Variants in CCDC149 observed in about 807,000 individuals in gnomAD.
The protein encoded by CCDC149 is coiled-coil domain containing 149.
A neutral mutation model predicts 59.9 loss-of-function variants in CCDC149; 45 were observed. The ratio of observed to expected loss-of-function variants is 0.75; its 90% CI spans 0.59 to 0.96. CCDC149 has a LOEUF of 0.96. CCDC149 is among the 40% of genes least tolerant of loss of function. CCDC149 has a pLI of 0.00. For synonymous variants in CCDC149, 245 were observed against 260.6 expected, an observed-to-expected ratio of 0.94 and a Z score of 0.58; for missense variants, 584 against 664.7, an observed-to-expected ratio of 0.88 and a Z score of 1.33.
chr4:24,877,855 G>C (rs1269860097), intron 1 of CCDC149, among the ~76,000 whole-genome samples: 2 of 152,232 alleles, frequency 1.3e-5, no homozygotes, highest in East Asian at 3.9e-4. Context: ...GCCAGCATGG[G>C]CCCGAACAGG....
At chr4:24,875,940 T>C (rs1456712541) in intron 2 of CCDC149, among the ~76,000 whole-genome samples, 2 of 152,108 alleles carry the variant, frequency 1.3e-5, no homozygotes, top group Admixed American at 6.5e-5. Flanking sequence ...GGTCCAAACA[T>C]GTTAAATAGA....
intron 3 of CCDC149, among the ~76,000 whole-genome samples, chr4:24,864,815 T>G (rs762028507): frequency 5.9e-5 from 9 of 152,200 alleles, no homozygotes; most frequent in Non-Finnish European, 1.2e-4. Flanking sequence ...TGTGTGCATT[T>G]TTTTCAACCA....
intron 1 of CCDC149, among the ~76,000 whole-genome samples, chr4:24,911,996 T>C (rs1010104272): frequency 1.3e-5 from 2 of 152,124 alleles, no homozygotes; most frequent in Non-Finnish European, 2.9e-5. Flanking sequence ...CCCCCACAAA[T>C]GGTGGCAAAC....
At chr4:24,817,650 C>T (rs551265202) in intron 12 of CCDC149, among the ~76,000 whole-genome samples, 94 of 151,528 alleles carry the variant, frequency 6.2e-4, no homozygotes, top group Non-Finnish European at 1.2e-3. Context: ...TGGGCGGTTC[C>T]GGTTCTGCTA....
At chr4:24,967,265 C>T (rs553111757) in intron 1 of CCDC149, among the ~76,000 whole-genome samples, 1 of 152,224 alleles carries the variant, frequency 6.6e-6, no homozygotes, top group East Asian at 1.9e-4. Flanking sequence ...CCATCAATAC[C>T]ATTTGCTGGG....
intron 4 of CCDC149, among the ~76,000 whole-genome samples, chr4:24,840,261 A>C (rs892822321): frequency 6.6e-6 from 1 of 152,192 alleles, no homozygotes; most frequent in African/African-American, 2.4e-5. Flanking sequence ...CTGGGTGGAC[A>C]GTGTCCCAGG....
intron 9 of CCDC149, chr4:24,830,280 T>C (rs914091809): frequency 1.3e-5 from 2 of 152,266 alleles, no homozygotes; most frequent in African/African-American, 2.4e-5. Flanking sequence ...ATGGAGGACA[T>C]TTCGTGCTGC....
At chr4:24,867,165 T>C (rs1055686058) in intron 3 of CCDC149, among the ~76,000 whole-genome samples, 1 of 152,316 alleles carries the variant, frequency 6.6e-6, no homozygotes, top group Non-Finnish European at 1.5e-5. Flanking sequence ...CCAGTATTCA[T>C]TGAGCACTCT....
intron 8 of CCDC149, among the ~76,000 whole-genome samples, chr4:24,834,679 C>T (rs1037621353): frequency 3.0e-4 from 45 of 152,172 alleles, no homozygotes; most frequent in African/African-American, 1.1e-3. Flanking sequence ...CCTAATCCAG[C>T]GTCAGTATCA....
At chr4:24,898,797 T>A (rs1208339516) in intron 1 of CCDC149, among the ~76,000 whole-genome samples, 1 of 151,804 alleles carries the variant, frequency 6.6e-6, no homozygotes, top group African/African-American at 2.4e-5. Flanking sequence ...CCAAGGGGAG[T>A]CTGTGACATT....
chr4:24,876,805 T>A, intron 1 of CCDC149, 108 bp from the exon 2 acceptor site: 1 of 1,114,162 alleles, frequency 9.0e-7, no homozygotes, highest in East Asian at 2.6e-5. Context: ...ATTCTCATTT[T>A]TAGAGCTCAT....
intron 3 of CCDC149, among the ~76,000 whole-genome samples, chr4:24,868,769 ATACT>A (rs1718849960): frequency 6.6e-6 from 1 of 152,110 alleles, no homozygotes; most frequent in African/African-American, 2.4e-5. Flanking sequence ...TCCTGTCCAG[ATACT>A]TACGGACACA....
chr4:24,906,009 C>T (rs1039081078), intron 1 of CCDC149, among the ~76,000 whole-genome samples: 1 of 152,144 alleles, frequency 6.6e-6, no homozygotes, highest in Non-Finnish European at 1.5e-5. Flanking sequence ...GAGGACCATA[C>T]CCTAATCGTG....
chr4:24,826,501 A>G (rs1715751840), intron 9 of CCDC149, among the ~76,000 whole-genome samples: 1 of 152,170 alleles, frequency 6.6e-6, no homozygotes, highest in Non-Finnish European at 1.5e-5. Context: ...GTGCAGACAC[A>G]ACGGATGCAG....
intron 1 of CCDC149, among the ~76,000 whole-genome samples, chr4:24,930,216 C>T (rs1416423953): frequency 6.6e-6 from 1 of 152,218 alleles, no homozygotes; most frequent in East Asian, 1.9e-4. Context: ...ATTTCCTTTC[C>T]CCTCTGCCAG....
downstream of CCDC149, among the ~76,000 whole-genome samples, chr4:24,805,058 C>G (rs1219816040): frequency 6.6e-6 from 1 of 152,086 alleles, no homozygotes; most frequent in Non-Finnish European, 1.5e-5. Flanking sequence ...TGAGAAATGC[C>G]TGGTTTACAA....
intron 8 of CCDC149, among the ~76,000 whole-genome samples, chr4:24,834,113 GT>G (rs1716341313): frequency 6.6e-6 from 1 of 152,096 alleles, no homozygotes; most frequent in Non-Finnish European, 1.5e-5. Flanking sequence ...TTCTTTTCTG[GT>G]TGAGTGGAAA....
chr4:24,867,119 TGTCCTTGGATAA>T (rs1718751295), intron 3 of CCDC149, among the ~76,000 whole-genome samples: 2 of 152,230 alleles, frequency 1.3e-5, no homozygotes, highest in African/African-American at 4.8e-5. Context: ...ACCTGCTATG[TGTCCTTGGATAA>T]GTCACAGGAA....
chr4:24,845,450 C>T lies in CCDC149; in HGVS notation c.373-7178G>A, dbSNP rs1398264396. ...TATCACCTCCTGACATATTATACCG[C>T]AGTTCATCAAATATAAGACTCCATC... On this transcript the variant is annotated intron_variant, in intron 4 of 12. Transcript: ENST00000635206. Among the ~76,000 whole-genome samples the T allele has an allele frequency of 2.6e-5, 4 of 152,312 alleles. No individual in the cohort carries two copies. The South Asian group carries it at 6.2e-4, about 24-fold the overall frequency.
Sources: gnomAD v4.1 joint callset for allele counts (sites outside exome capture counted in the v4.1 genomes callset) on GRCh38, gnomAD v4.1.1 for gene constraint, MANE v1.5 for transcripts, NCBI Gene and HGNC (gene_info 2026-07-23, HGNC 2026-07-21) for gene names.